CPNE4: variants seen among roughly 807,000 people sequenced by gnomAD.
CPNE4 encodes the protein copine 4.
Under a neutral mutation model 67.9 loss-of-function variants are expected in CPNE4, and 25 were observed. The observed-to-expected ratio is 0.37, with a 90% CI of 0.27 to 0.51. CPNE4 has a LOEUF of 0.51. Among genes scored for constraint, CPNE4 ranks in the 20% least tolerant of loss-of-function variants. The probability of loss-of-function intolerance (pLI) is 0.93; values close to 1 mark genes in which losing one functional copy is unlikely to be tolerated. For synonymous variants in CPNE4, 242 were observed against 244.9 expected (o/e 0.99, Z 0.11); for missense variants, 464 against 690.8 (o/e 0.67, Z 3.68).
intron 2 of CPNE4, among the ~76,000 whole-genome samples, chr3:131,788,851 T>TAC (rs1264646247): frequency 3.9e-5 from 6 of 152,054 alleles, no homozygotes; most frequent in East Asian, 1.9e-4. Context: ...TATTTATACA[T>TAC]ACACACATAT....
chr3:132,015,550 C>T lies in CPNE4; in HGVS notation c.-2+19017G>A, dbSNP rs151076133. 2.1e-3 allele frequency among the ~76,000 whole-genome samples: 320 copies of T among 152,032 alleles called. 3 individuals carry two copies. The highest frequency in any genetic ancestry group is 7.1e-3 in the African/African-American group (295 of 41,484). ...ACACACCCAACACATATATCATATACGATATGATGTCAGAATGTAAACTTT... is the reference window on the plus strand; with the variant it reads ...ACACACCCAACACATATATCATATATGATATGATGTCAGAATGTAAACTTT... On this transcript the variant is annotated intron_variant, in intron 1 of 15. Transcript: ENST00000429747.
rs1188259415 is a variant in CPNE4, at chr3:131,644,338, A to G, written c.681+25337T>C. ...AGTTTTTTGTATTTTTATTGGAGAC[A>G]GGGTTTCACCATGTTAACCAGGATG... On this transcript the variant is annotated intron_variant, in intron 7 of 15. Coordinates refer to ENST00000429747, the MANE Select transcript of CPNE4 (RefSeq NM_130808.3). 2.0e-5 allele frequency among the ~76,000 whole-genome samples: 3 copies of G among 151,950 alleles called. 1 individual carries two copies. The highest frequency in any genetic ancestry group is 4.4e-5 in the Non-Finnish European group (3 of 67,986).
intron 7 of CPNE4, among the ~76,000 whole-genome samples, chr3:131,658,910 T>C (rs1335540550): frequency 6.6e-6 from 1 of 152,210 alleles, no homozygotes; most frequent in Non-Finnish European, 1.5e-5. Flanking sequence ...TCTGGTTTAA[T>C]GTTTAAAATG....
intron 15 of CPNE4, among the ~76,000 whole-genome samples, chr3:131,541,734 G>A (rs1330327635): frequency 6.6e-6 from 1 of 150,980 alleles, no homozygotes; most frequent in Non-Finnish European, 1.5e-5. Flanking sequence ...GCAGTGGTGT[G>A]ATCTCGGCTC....
At chr3:131,983,685 A>C (rs1026190314) in intron 1 of CPNE4, among the ~76,000 whole-genome samples, 2 of 152,234 alleles carry the variant, frequency 1.3e-5, no homozygotes, top group Non-Finnish European at 2.9e-5. Flanking sequence ...GCAAAGATAA[A>C]ATTATATAAA....
At chr3:131,969,515 T>C (rs1327206710) in intron 1 of CPNE4, among the ~76,000 whole-genome samples, 3 of 152,172 alleles carry the variant, frequency 2.0e-5, no homozygotes, top group African/African-American at 7.2e-5. Flanking sequence ...GATATTTGTC[T>C]CTTAATTTTT....
intron 7 of CPNE4, among the ~76,000 whole-genome samples, chr3:131,616,529 T>G (rs1940168404): frequency 6.6e-6 from 1 of 152,174 alleles, no homozygotes; most frequent in Non-Finnish European, 1.5e-5. Context: ...TGGATAAAAA[T>G]AGCCTAAGCA....
chr3:131,710,272 G>A (rs2107721026), intron 3 of CPNE4, among the ~76,000 whole-genome samples: 1 of 152,320 alleles, frequency 6.6e-6, no homozygotes, highest in South Asian at 2.1e-4. Context: ...CATGTCAAGG[G>A]AAAGATGGGG....
At chr3:131,593,157 G>T (rs1006800135) in intron 7 of CPNE4, among the ~76,000 whole-genome samples, 3 of 152,130 alleles carry the variant, frequency 2.0e-5, no homozygotes, top group African/African-American at 7.2e-5. Context: ...AGGTTTTGTG[G>T]TTCCATATGA....
chr3:131,779,352 C>T (rs13078466), intron 2 of CPNE4, among the ~76,000 whole-genome samples: 36,264 of 151,896 alleles, frequency 0.24, 4,630 homozygotes, highest in East Asian at 0.31. Flanking sequence ...TCATTTGGAA[C>T]CAAAAAGAAC....
chr3:131,751,773 TTG>T (rs372780583), intron 2 of CPNE4, among the ~76,000 whole-genome samples: 31 of 127,846 alleles, frequency 2.4e-4, no homozygotes, highest in South Asian at 7.8e-4. Context: ...TGTTTTTTTT[TTG>T]TTTTTTTGTT....
chr3:131,872,199 G>GT (rs2087245071), intron 2 of CPNE4, among the ~76,000 whole-genome samples: 1 of 151,878 alleles, frequency 6.6e-6, no homozygotes, highest in South Asian at 2.1e-4. Context: ...TGTGTGTAGA[G>GT]AGAGAGAGAG....
chr3:131,608,975 T>C (rs577325256), intron 7 of CPNE4, among the ~76,000 whole-genome samples: 11 of 152,218 alleles, frequency 7.2e-5, no homozygotes, highest in African/African-American at 2.6e-4. Context: ...CCTGGAATGC[T>C]TTTCTCTCCA....
intron 3 of CPNE4, among the ~76,000 whole-genome samples, chr3:131,717,890 C>CT (rs3039242): frequency 0.01 from 601 of 59,628 alleles, 22 homozygotes; most frequent in South Asian, 0.029. Flanking sequence ...TTCTTTCTTT[C>CT]TTTCTTTCTT....
rs1051459649 is a variant in CPNE4, at chr3:131,953,256, A to T, written c.-1-47812T>A. ...TGATCAATTAAAAAAAAAAAAAAAA[A>T]AAAAAAAAAAGAATGGTGAAAGTAG... is the stretch of plus-strand genomic sequence containing the variant. On this transcript the variant is annotated intron_variant, in intron 1 of 15. Coordinates refer to ENST00000429747, the MANE Select transcript of CPNE4 (RefSeq NM_130808.3). Among the ~76,000 whole-genome samples, 42 of 138,186 alleles carry T rather than the reference A, an allele frequency of 3.0e-4. 1 individual carries two copies. In the South Asian group the frequency reaches 6.2e-3, roughly 20 times the overall value. 90.7% of individuals were successfully genotyped at this position (138,186 alleles called of 152,430 possible).
chr3:131,984,564 G>A (rs1345488291), intron 1 of CPNE4, among the ~76,000 whole-genome samples: 1 of 152,162 alleles, frequency 6.6e-6, no homozygotes, highest in Non-Finnish European at 1.5e-5. Context: ...GCTATCAAGT[G>A]TTTATTGAGC....
chr3:131,887,084 A>G (rs951945787), intron 2 of CPNE4, among the ~76,000 whole-genome samples: 4 of 152,098 alleles, frequency 2.6e-5, no homozygotes, highest in Non-Finnish European at 5.9e-5. Context: ...CCCCACCCAA[A>G]TCTCATCTTG....
chr3:131,877,400 C>T (rs1455212732), intron 2 of CPNE4, among the ~76,000 whole-genome samples: 1 of 152,114 alleles, frequency 6.6e-6, no homozygotes, highest in Non-Finnish European at 1.5e-5. Context: ...TGATATGGAG[C>T]AGCTGACGCA....
intron 15 of CPNE4, among the ~76,000 whole-genome samples, chr3:131,536,626 A>G (rs909910452): frequency 1.3e-5 from 2 of 152,272 alleles, no homozygotes; most frequent in East Asian, 1.9e-4. Context: ...AATTCACTCT[A>G]TCTCACAGAG....
Sources: allele counts gnomAD v4.1 joint callset (sites outside exome capture counted in the v4.1 genomes callset), GRCh38; gene constraint gnomAD v4.1.1; transcripts MANE v1.5; gene names NCBI Gene and HGNC (gene_info 2026-07-23, HGNC 2026-07-21).